SLC22A14: variants seen among roughly 807,000 people sequenced by gnomAD.
SLC22A14 encodes organic cation transporter-like 4.
A neutral mutation model predicts 53.9 loss-of-function variants in SLC22A14; 50 were observed. The ratio of observed to expected loss-of-function variants is 0.93; its 90% confidence interval spans 0.74 to 1.17. The LOEUF (loss-of-function observed/expected upper bound fraction) is 1.17, where lower values mean the gene tolerates loss of function less well. Ranked by LOEUF, SLC22A14 falls within the 50% of genes most tolerant of loss-of-function variation. The pLI is 0.00. For missense variants in SLC22A14, 671 were observed against 734.7 expected (o/e 0.91, Z 1.00); for synonymous variants, 312 against 303.0 (o/e 1.03, Z -0.31).
intron 1 of SLC22A14, among the ~76,000 whole-genome samples, chr3:38,299,440 A>G (rs759373660): frequency 9.9e-5 from 15 of 152,132 alleles, no homozygotes; most frequent in South Asian, 2.1e-4. Flanking sequence ...ATCCCCTTTT[A>G]TTACATGAAG....
chr3:38,300,564 T>C (rs1704137948), intron 1 of SLC22A14, among the ~76,000 whole-genome samples: 1 of 152,204 alleles, frequency 6.6e-6, no homozygotes, highest in African/African-American at 2.4e-5. Flanking sequence ...TCTTTCCATC[T>C]TCTCCCAATG....
intron 1 of SLC22A14, among the ~76,000 whole-genome samples, chr3:38,302,133 C>G (rs1386943348): frequency 6.7e-6 from 1 of 150,304 alleles, no homozygotes; most frequent in Non-Finnish European, 1.5e-5. Flanking sequence ...ACTCAGGAGG[C>G]TGAGGCAGGA....
In SLC22A14 at chr3:38,313,051, G is replaced by A; in HGVS notation, c.997G>A (p.Ala333Thr). The A allele has an allele frequency of 6.3e-7, 1 of 1,589,628 alleles. No individual in the cohort carries two copies. Among genetic ancestry groups the A allele is most frequent in the Non-Finnish European group, 8.6e-7 (1 of 1,165,200 alleles). ...WLMMKGKVKE[A>T]KQVLCYAASV... The stretch of plus-strand genomic sequence containing the variant: ...GATGATGAAAGGGAAGGTGAAGGAG[G>A]CCAAGCAGGTGCTGTGCTACGCCGC... The change falls in exon 6 of 11, where the codon GCC becomes ACC. Residue 333 changes from alanine (A) to threonine (T), a missense_variant. Transcript: ENST00000448498.
At chr3:38,293,254 T>C (rs1700123841) in intron 1 of SLC22A14, among the ~76,000 whole-genome samples, 1 of 152,198 alleles carries the variant, frequency 6.6e-6, no homozygotes, top group Admixed American at 6.5e-5. Context: ...TAAAGTGTTC[T>C]TGTAGACCAC....
intron 1 of SLC22A14, among the ~76,000 whole-genome samples, chr3:38,287,409 A>G (rs1444825876): frequency 1.3e-5 from 2 of 152,134 alleles, no homozygotes; most frequent in East Asian, 3.8e-4. Flanking sequence ...TATATTTTCT[A>G]TTAAAAGTGT....
rs557654443 is a variant in SLC22A14, at chr3:38,299,392, T to C, written c.1-6635T>C. On this transcript the variant is annotated intron_variant, in intron 1 of 10. Transcript: ENST00000448498. ...TTAGTTTGTGACTTATCCTCCTGTA[T>C]TTTTTTCACAAATGAGCAGATACAT... is the stretch of plus-strand genomic sequence containing the variant. 1.8e-3 allele frequency among the ~76,000 whole-genome samples: 275 copies of C among 152,316 alleles called. 1 individual carries two copies. The highest frequency in any genetic ancestry group is 6.5e-3 in the African/African-American group (271 of 41,578).
At chr3:38,313,685 T>TGTGTGTGTGTGCACGCGCGC in intron 7 of SLC22A14, 42 bp from the exon 8 acceptor site, 1 of 900,604 alleles carries the variant, frequency 1.1e-6, no homozygotes, top group East Asian at 2.5e-5. Context: ...TCCGTGTGTG[T>TGTGTGTGTGTGCACGCGCGC]GCGCGCGTGT....
intron 1 of SLC22A14, among the ~76,000 whole-genome samples, chr3:38,285,801 G>A (rs4679028): frequency 0.32 from 49,294 of 152,042 alleles, 9,213 homozygotes; most frequent in African/African-American, 0.53. Flanking sequence ...TATACCTGGG[G>A]GTAGCATTGC....
At position 38,313,825 on chromosome 3, in the gene SLC22A14, T is replaced by G; in HGVS notation, c.1262T>G (p.Val421Gly). ...FRHVVPSIME[V>G]PARLCCIFLL... ...CACGTGGTCCCCAGCATCATGGAGG[T>G]GCCTGCCCGGCTGTGCTGCATCTTT... is the stretch of plus-strand genomic sequence containing the variant. The change falls in exon 8 of 11, where the codon GTG (valine) becomes GGG (glycine). Residue 421 changes from valine (V) to glycine (G), a missense_variant. Coordinates refer to ENST00000448498, the MANE Select transcript of SLC22A14 (RefSeq NM_001320033.2). The G allele has an allele frequency of 4.3e-6, 7 of 1,613,958 alleles. No homozygotes were observed. The highest frequency in any genetic ancestry group is 5.9e-6 in the Non-Finnish European group (7 of 1,179,970).
chr3:38,304,791 C>G lies in SLC22A14; in HGVS notation c.1-1236C>G, dbSNP rs146940842. On this transcript the variant is annotated intron_variant, in intron 1 of 10. Transcript: ENST00000448498. ...AGCCATGGTTTTCTTTTTTATTTAT[C>G]GTGCCTAAGTTACATTTCCTGGATC... Among the ~76,000 whole-genome samples the G allele has an allele frequency of 1.2e-3, 176 of 152,214 alleles. 1 individual carries two copies. Among genetic ancestry groups the G allele is most frequent in the African/African-American group, 3.2e-3 (133 of 41,530 alleles).
In SLC22A14 at chr3:38,318,363, C is replaced by A; in HGVS notation, c.*114C>A. 9.9e-7 allele frequency: 1 copy of A among 1,013,480 alleles called. No homozygotes were observed. The highest frequency in any genetic ancestry group is 1.6e-6 in the Non-Finnish European group (1 of 641,034). The allele number at this position is 1,013,480 out of a possible 1,614,324, so 62.8% of individuals were successfully genotyped here. On this transcript the variant is annotated 3_prime_UTR_variant, in exon 11 of 11. Coordinates refer to ENST00000448498, the MANE Select transcript of SLC22A14 (RefSeq NM_001320033.2). ...AAAGAGGAAGCAAACAGCCAGGCTC[C>A]CTGAGGGCCAGGCCCCCAGACCATC...
intron 1 of SLC22A14, among the ~76,000 whole-genome samples, chr3:38,304,063 C>T (rs953385851): frequency 6.6e-6 from 1 of 151,696 alleles, no homozygotes; most frequent in African/African-American, 2.4e-5. Flanking sequence ...TGGTGGCGGG[C>T]ACCTGTAGTC....
intron 1 of SLC22A14, among the ~76,000 whole-genome samples, chr3:38,287,710 T>A (rs549786097): frequency 2.0e-5 from 3 of 152,342 alleles, no homozygotes; most frequent in Admixed American, 1.3e-4. Flanking sequence ...TCCTTCAATA[T>A]ACATTTTAGA....
chr3:38,295,906 G>A (rs1489636768), intron 1 of SLC22A14, among the ~76,000 whole-genome samples: 1 of 152,106 alleles, frequency 6.6e-6, no homozygotes, highest in African/African-American at 2.4e-5. Context: ...AACTGCCCAT[G>A]TTGAGAGCTA....
chr3:38,299,176 G>T (rs1704106896), intron 1 of SLC22A14, among the ~76,000 whole-genome samples: 1 of 152,128 alleles, frequency 6.6e-6, no homozygotes. Context: ...TCTTTGTACT[G>T]GTTGGTTTTA....
intron 1 of SLC22A14, among the ~76,000 whole-genome samples, chr3:38,300,034 G>A (rs1704125996): frequency 1.3e-5 from 2 of 152,204 alleles, no homozygotes; most frequent in African/African-American, 4.8e-5. Flanking sequence ...AATTCCCAAA[G>A]TGGGATTGCT....
At chr3:38,312,909 A>G in intron 5 of SLC22A14, 90 bp from the exon 6 acceptor site, 1 of 1,507,534 alleles carries the variant, frequency 6.6e-7, no homozygotes, top group Non-Finnish European at 9.0e-7. Context: ...ATGCTGGCAC[A>G]GGATGGCCAC....
chr3:38,285,250 A>G (rs777867055), intron 1 of SLC22A14, among the ~76,000 whole-genome samples: 2 of 152,230 alleles, frequency 1.3e-5, no homozygotes, highest in African/African-American at 2.4e-5. Context: ...ATCAGTCTCC[A>G]GCAGAGGGGA....
At chr3:38,308,908 G>A in intron 4 of SLC22A14, 46 bp from the exon 5 acceptor site, 1 of 1,587,814 alleles carries the variant, frequency 6.3e-7, no homozygotes, top group Non-Finnish European at 8.6e-7. Flanking sequence ...GGCAGCCCTG[G>A]GGACCCTGAC....
Sources: gnomAD v4.1 joint callset for allele counts (sites outside exome capture counted in the v4.1 genomes callset) on GRCh38, gnomAD v4.1.1 for gene constraint, MANE v1.5 for transcripts, NCBI Gene and HGNC (gene_info 2026-07-23, HGNC 2026-07-21) for gene names.